Variants in TBC1D8 observed in about 807,000 individuals in gnomAD.
TBC1D8 encodes BUB2-like protein 1.
A neutral mutation model predicts 118.8 loss-of-function variants in TBC1D8; 65 were observed. The ratio of observed to expected loss-of-function variants is 0.55; its 90% confidence interval spans 0.45 to 0.67. The LOEUF (loss-of-function observed/expected upper bound fraction) is 0.67, where lower values mean the gene tolerates loss of function less well. TBC1D8 is among the 30% of genes least tolerant of loss of function. The pLI is 0.00. For synonymous variants in TBC1D8, 566 were observed against 595.8 expected, an observed-to-expected ratio of 0.95 and a Z score of 0.73; for missense variants, 1,376 against 1,471.2, an observed-to-expected ratio of 0.94 and a Z score of 1.06.
chr2:101,016,477 G>C (rs1169639044), intron 17 of TBC1D8, among the ~76,000 whole-genome samples: 1 of 152,190 alleles, frequency 6.6e-6, no homozygotes, highest in Non-Finnish European at 1.5e-5. Context: ...CTGTTGGTGG[G>C]ACTGTAAACT....
chr2:101,008,986 C>T (rs1678964979), intron 19 of TBC1D8, among the ~76,000 whole-genome samples: 1 of 152,126 alleles, frequency 6.6e-6, no homozygotes, highest in South Asian at 2.1e-4. Flanking sequence ...AAGAGTGATG[C>T]CTGTTGTTTT....
chr2:101,132,440 G>GT (rs1313435414), intron 1 of TBC1D8, among the ~76,000 whole-genome samples: 1 of 152,156 alleles, frequency 6.6e-6, no homozygotes, highest in African/African-American at 2.4e-5. Context: ...CTTCAGTACA[G>GT]TATGTATTCT....
intron 19 of TBC1D8, 146 bp from the exon 20 acceptor site, chr2:101,008,419 T>G (rs1396241654): frequency 2.9e-6 from 2 of 686,124 alleles, no homozygotes; most frequent in Non-Finnish European, 4.6e-6. Flanking sequence ...GCCTTTCCAC[T>G]CTAAACTATT....
intron 1 of TBC1D8, among the ~76,000 whole-genome samples, chr2:101,096,878 T>C (rs1210043338): frequency 6.6e-6 from 1 of 151,862 alleles, no homozygotes; most frequent in Non-Finnish European, 1.5e-5. Context: ...GTACAAGATG[T>C]ACGTAATTGG....
intron 1 of TBC1D8, among the ~76,000 whole-genome samples, chr2:101,091,935 A>G (rs1676063693): frequency 1.3e-5 from 2 of 152,258 alleles, no homozygotes; most frequent in African/African-American, 2.4e-5. Flanking sequence ...GGGGCAAGTT[A>G]CTTACATAAC....
intron 1 of TBC1D8, among the ~76,000 whole-genome samples, chr2:101,143,372 T>C (rs1366042139): frequency 6.6e-6 from 1 of 152,148 alleles, no homozygotes; most frequent in Non-Finnish European, 1.5e-5. Context: ...CCTTTCCTTT[T>C]TTTTAAAGTA....
chr2:101,031,868 C>T lies in TBC1D8; in HGVS notation c.1936+400G>A, dbSNP rs114125171. ...TGTCTGAACAAGCTCCCTGAGCTAC[C>T]GAGAGGCATCCCCCCAGGCCCCCAC... On this transcript the variant is annotated intron_variant, in intron 11 of 19. Coordinates refer to ENST00000409318, the MANE Select transcript of TBC1D8 (RefSeq NM_001330348.2). 1.0e-2 allele frequency among the ~76,000 whole-genome samples: 1,515 copies of T among 152,158 alleles called. 34 individuals carry two copies. The highest frequency in any genetic ancestry group is 0.033 in the African/African-American group (1,371 of 41,516).
intron 1 of TBC1D8, among the ~76,000 whole-genome samples, chr2:101,095,480 C>T (rs563700161): frequency 1.3e-5 from 2 of 148,666 alleles, no homozygotes; most frequent in East Asian, 2.0e-4. Flanking sequence ...TCAATTCCCA[C>T]CTATGAGTGA....
intron 1 of TBC1D8, among the ~76,000 whole-genome samples, chr2:101,106,599 G>A (rs1254134492): frequency 1.3e-5 from 2 of 152,214 alleles, no homozygotes; most frequent in African/African-American, 2.4e-5. Flanking sequence ...TACTACACAT[G>A]CACAGATGGT....
At chr2:101,011,581 G>A in intron 17 of TBC1D8, 41 bp from the exon 18 acceptor site, 2 of 1,605,740 alleles carry the variant, frequency 1.2e-6, no homozygotes, top group Non-Finnish European at 1.7e-6. Context: ...CAAATTTTCT[G>A]CCTTACCAAA....
chr2:101,087,710 A>G (rs1365949230), intron 2 of TBC1D8, among the ~76,000 whole-genome samples: 3 of 151,856 alleles, frequency 2.0e-5, no homozygotes, highest in Admixed American at 6.6e-5. Flanking sequence ...AAATCAATGT[A>G]TAAGTGAGAA....
intron 19 of TBC1D8, among the ~76,000 whole-genome samples, chr2:101,009,263 G>A (rs947818814): frequency 5.3e-5 from 8 of 151,924 alleles, no homozygotes; most frequent in Non-Finnish European, 8.8e-5. Context: ...AAAATTAGCC[G>A]GGCTTGGTGG....
At chr2:101,029,907 AG>A in intron 11 of TBC1D8, 131 bp from the exon 12 acceptor site, 1 of 897,834 alleles carries the variant, frequency 1.1e-6, no homozygotes, top group Middle Eastern at 2.6e-4. Context: ...GTCCATGCTT[AG>A]TTCATTGATT....
chr2:101,144,173 G>A (rs1432806216), intron 1 of TBC1D8, among the ~76,000 whole-genome samples: 1 of 152,190 alleles, frequency 6.6e-6, no homozygotes, highest in East Asian at 1.9e-4. Flanking sequence ...TATCAAGAGT[G>A]CTCTGGTGAC....
chr2:101,077,823 G>A (rs1322052494), intron 2 of TBC1D8, among the ~76,000 whole-genome samples: 2 of 152,106 alleles, frequency 1.3e-5, no homozygotes, highest in African/African-American at 4.8e-5. Context: ...GAGGATGAGG[G>A]GAGCCTGAAT....
intron 2 of TBC1D8, among the ~76,000 whole-genome samples, chr2:101,085,915 G>A (rs1675590424): frequency 6.6e-6 from 1 of 152,228 alleles, no homozygotes; most frequent in African/African-American, 2.4e-5. Flanking sequence ...GCTGAGGCGG[G>A]TGGATCACGA....
At chr2:101,085,140 C>T (rs759085735) in intron 2 of TBC1D8, among the ~76,000 whole-genome samples, 2 of 152,060 alleles carry the variant, frequency 1.3e-5, no homozygotes, top group Admixed American at 1.3e-4. Flanking sequence ...TGTGAGCCAC[C>T]GCGCCCAGCC....
chr2:101,009,409 A>G (rs1387781204), intron 19 of TBC1D8, among the ~76,000 whole-genome samples: 1 of 84,078 alleles, frequency 1.2e-5, no homozygotes, highest in East Asian at 2.8e-4. Flanking sequence ...CTGTCTCCAA[A>G]AAAAAAAAAA....
chr2:101,010,069 AC>A (rs1679088681), intron 19 of TBC1D8, among the ~76,000 whole-genome samples: 1 of 151,394 alleles, frequency 6.6e-6, no homozygotes, highest in African/African-American at 2.4e-5. Context: ...CTCGTAATCC[AC>A]CCGCCTCGGC....
Sources: allele counts gnomAD v4.1 joint callset (sites outside exome capture counted in the v4.1 genomes callset), GRCh38; gene constraint gnomAD v4.1.1; transcripts MANE v1.5; gene names NCBI Gene and HGNC (gene_info 2026-07-23, HGNC 2026-07-21).